The following SLC1A6 variants were observed in gnomAD, a reference collection of about 807,000 sequenced individuals.
The protein encoded by SLC1A6 is solute carrier family 1 member 6.
In SLC1A6, 15 loss-of-function variants were observed where a neutral mutation model predicts 42.1. The observed-to-expected ratio is 0.36, with a 90% confidence interval of 0.24 to 0.55. The LOEUF (loss-of-function observed/expected upper bound fraction) is 0.55, where lower values mean the gene tolerates loss of function less well. Among genes scored for constraint, SLC1A6 ranks in the 20% least tolerant of loss-of-function variants. The probability of loss-of-function intolerance (pLI) is 0.88; values close to 1 mark genes in which losing one functional copy is unlikely to be tolerated. For missense variants in SLC1A6, 542 were observed against 772.5 expected (o/e 0.70, Z 3.54); for synonymous variants, 317 against 319.7 (o/e 0.99, Z 0.09).
intron 1 of SLC1A6, among the ~76,000 whole-genome samples, chr19:14,989,530 A>T (rs986442788): frequency 1.3e-4 from 20 of 151,760 alleles, no homozygotes; most frequent in African/African-American, 4.8e-4. Context: ...CAAAGTGTGG[A>T]ATTACAGGCG....
rs568772662 is a variant in SLC1A6 at position 14,950,544 on chromosome 19, C to T, written c.1500-154G>A. 2.9e-4 allele frequency among the ~76,000 whole-genome samples: 44 copies of T among 152,284 alleles called. No individual in the cohort carries two copies. The East Asian group carries it at 7.7e-3, about 27-fold the overall frequency. Reference sequence around the variant, plus strand: ...CATGTCCCCAAGCAGGTTCTTCCCCCTCTCTGCCCTGTTTCTCCTACTAAC... The same window carrying T: ...CATGTCCCCAAGCAGGTTCTTCCCCTTCTCTGCCCTGTTTCTCCTACTAAC... On this transcript the variant is annotated intron_variant, in intron 9 of 9. Coordinates refer to ENST00000594383, the MANE Select transcript of SLC1A6 (RefSeq NM_005071.3).
At chr19:14,954,441 G>T (rs890685377) in intron 7 of SLC1A6, 112 bp from the exon 8 acceptor site, 9 of 968,900 alleles carry the variant, frequency 9.3e-6, no homozygotes, top group Non-Finnish European at 1.3e-5. Context: ...GCCGAAGAAA[G>T]GCTGGGGAAC....
In SLC1A6 at chr19:14,972,922, G is replaced by C. The variant is rs181299732; in HGVS notation, c.-7-5C>G. 6.6e-3 allele frequency: 10,257 copies of C among 1,557,880 alleles called. 55 individuals are homozygous for C. The highest frequency in any genetic ancestry group is 0.029 in the Middle Eastern group (137 of 4,746). On this transcript the variant is annotated splice_polypyrimidine_tract_variant and splice_region_variant and intron_variant, in intron 1 of 9. Transcript: ENST00000594383. ...CCATGGCTGCTCATGGTCTATCTGC[G>C]GGAAACAGAGAAGCCTGGGGCTGGT...
chr19:14,956,688 C>T lies in SLC1A6; in HGVS notation c.957G>A (p.Leu319=), dbSNP rs371558124. ...CCAGAATCTTCCCAGCAATCAGGAA[C>T]AGGATGCCCACAGGTGCATACCTGT... is the stretch of plus-strand genomic sequence containing the variant. ...IIIWYAPVGI[L]FLIAGKILEM... is the part of the protein sequence containing the mutation. The change falls in exon 7 of 10, where the codon CTG becomes CTA. Residue 319 remains leucine (L), a synonymous_variant. Coordinates refer to ENST00000594383, the MANE Select transcript of SLC1A6 (RefSeq NM_005071.3). 1.2e-6 allele frequency: 2 copies of T among 1,612,842 alleles called. No homozygotes were observed. Among genetic ancestry groups the T allele is most frequent in the Middle Eastern group, 3.3e-4 (2 of 6,050 alleles).
chr19:14,956,909 C>G (rs2045468239), intron 6 of SLC1A6, among the ~76,000 whole-genome samples, 200 bp from the exon 7 acceptor site: 1 of 152,156 alleles, frequency 6.6e-6, no homozygotes, highest in African/African-American at 2.4e-5. Context: ...CCTCCTCCTC[C>G]TCCTGCTCTT....
intron 8 of SLC1A6, 27 bp from the exon 9 acceptor site, chr19:14,953,089 G>C (rs1207218473): frequency 1.9e-6 from 3 of 1,581,820 alleles, no homozygotes; most frequent in Non-Finnish European, 2.6e-6. Flanking sequence ...AACATGGGGA[G>C]CAGATGGAGG....
At chr19:15,006,737 A>G (rs2045897326) in intron 1 of SLC1A6, among the ~76,000 whole-genome samples, 1 of 150,124 alleles carries the variant, frequency 6.7e-6, no homozygotes, top group Non-Finnish European at 1.5e-5. Flanking sequence ...CAGCCAGGGA[A>G]AGATAGCAAG....
Position 14,968,479 on chromosome 19 carries a change from C to A in SLC1A6, c.372G>T (p.Thr124=), listed in dbSNP as rs375572442. 4.3e-6 allele frequency: 7 copies of A among 1,612,180 alleles called. No homozygotes were observed. The African/African-American group carries it at 9.4e-5, about 22-fold the overall frequency. Residue 124 remains threonine (T), a synonymous_variant, in exon 4 of 10, where the codon ACG becomes ACT. Coordinates refer to ENST00000594383, the MANE Select transcript of SLC1A6 (RefSeq NM_005071.3). ...CAGCTGCCCGCATCCCCATCCGCCCCGTGGCCTTGTTGTCCAGGGATGCCA... is the reference window on the plus strand; with the variant it reads ...CAGCTGCCCGCATCCCCATCCGCCCAGTGGCCTTGTTGTCCAGGGATGCCA... The part of the protein sequence containing the change: ...TGMASLDNKA[T]GRMGMRAAVY...
intron 1 of SLC1A6, among the ~76,000 whole-genome samples, chr19:15,004,064 G>A (rs1008086826): frequency 6.6e-6 from 1 of 152,148 alleles, no homozygotes; most frequent in Non-Finnish European, 1.5e-5. Flanking sequence ...GCTGAGGCAG[G>A]AGAATTGCTT....
intron 1 of SLC1A6, among the ~76,000 whole-genome samples, chr19:14,975,870 G>C (rs1568294669): frequency 3.9e-5 from 2 of 50,866 alleles, no homozygotes; most frequent in African/African-American, 2.0e-4. Context: ...GGAAGGGAAG[G>C]AAAGGGAAGG....
chr19:15,001,259 T>C (rs2045871220), intron 1 of SLC1A6, among the ~76,000 whole-genome samples: 1 of 152,068 alleles, frequency 6.6e-6, no homozygotes, highest in Non-Finnish European at 1.5e-5. Flanking sequence ...GGAAAAGAAT[T>C]ACAATCTGAC....
intron 6 of SLC1A6, chr19:14,961,224 C>T (rs1339170076): frequency 6.6e-6 from 1 of 152,066 alleles, no homozygotes; most frequent in African/African-American, 2.4e-5. Flanking sequence ...TAAGTGTTCT[C>T]ACCACAAAAA....
intron 1 of SLC1A6, among the ~76,000 whole-genome samples, chr19:14,987,208 C>T (rs1329624503): frequency 6.6e-6 from 1 of 152,062 alleles, no homozygotes; most frequent in Non-Finnish European, 1.5e-5. Flanking sequence ...GTGGCTCACA[C>T]CTGTAATCCC....
intron 1 of SLC1A6, among the ~76,000 whole-genome samples, chr19:14,995,361 G>T (rs1253349724): frequency 8.1e-6 from 1 of 123,796 alleles, no homozygotes; most frequent in Admixed American, 8.3e-5. Context: ...AAGAAAGAAA[G>T]AAAGAAAAGG....
rs1368414170 is a variant in SLC1A6 at position 15,008,846 on chromosome 19, T to TTC, written c.6+1638_6+1639insGA. On this transcript the variant is annotated intron_variant, in intron 1 of 8. Transcript: ENST00000430939. ...CTAAAAAAACAAAAATAATTCGCGT[T>TTC]TTTTTTTTTTTTACAGGCAGGCACC... 2.3e-3 allele frequency among the ~76,000 whole-genome samples: 51 copies of TTC among 22,458 alleles called. 1 individual carries two copies. In the South Asian group the frequency reaches 0.047, roughly 21 times the overall value. 14.7% of individuals were successfully genotyped at this position (22,458 alleles called of 152,430 possible).
upstream of SLC1A6, among the ~76,000 whole-genome samples, chr19:14,984,148 A>G (rs1284592591): frequency 6.6e-6 from 1 of 152,072 alleles, no homozygotes; most frequent in Non-Finnish European, 1.5e-5. Flanking sequence ...CGTCTCTACT[A>G]AAAATACAAA....
chr19:14,975,886 G>GGACA (rs375328912), intron 1 of SLC1A6, among the ~76,000 whole-genome samples: 22 of 53,156 alleles, frequency 4.1e-4, no homozygotes, highest in East Asian at 2.7e-3. Flanking sequence ...GAAGGGAAGG[G>GGACA]AAGGGAAGGA....
intron 1 of SLC1A6, among the ~76,000 whole-genome samples, chr19:14,991,318 T>C (rs2045818771): frequency 6.6e-6 from 1 of 152,068 alleles, no homozygotes; most frequent in African/African-American, 2.4e-5. Context: ...ACACTGGGAA[T>C]TGTACTCTTT....
chr19:14,990,725 T>A (rs576844643), intron 1 of SLC1A6, among the ~76,000 whole-genome samples: 25 of 150,140 alleles, frequency 1.7e-4, no homozygotes, highest in African/African-American at 5.8e-4. Context: ...GCCAAGATCA[T>A]ACCACTGCAC....
Sources: allele counts gnomAD v4.1 joint callset (sites outside exome capture counted in the v4.1 genomes callset), GRCh38; gene constraint gnomAD v4.1.1; transcripts MANE v1.5; gene names NCBI Gene and HGNC (gene_info 2026-07-23, HGNC 2026-07-21).